NBEA: variants seen among roughly 807,000 people sequenced by gnomAD.
The protein encoded by NBEA is lysosomal-trafficking regulator 2.
NBEA carries 44 observed loss-of-function variants against 343.4 expected under a neutral mutation model. That is an observed-to-expected ratio of 0.13 (90% confidence interval 0.10 to 0.16). NBEA has a LOEUF of 0.16. Among genes scored for constraint, NBEA ranks in the 10% least tolerant of loss-of-function variants. The probability of loss-of-function intolerance (pLI) is 1.00; values close to 1 mark genes in which losing one functional copy is unlikely to be tolerated. For missense variants in NBEA, 2,555 were observed against 3,631.3 expected, an observed-to-expected ratio of 0.70 and a Z score of 7.62; for synonymous variants, 1,175 against 1,238.7, an observed-to-expected ratio of 0.95 and a Z score of 1.08.
intron 39 of NBEA, among the ~76,000 whole-genome samples, chr13:35,436,300 G>T (rs1463651670): frequency 6.6e-6 from 1 of 152,164 alleles, no homozygotes; most frequent in Non-Finnish European, 1.5e-5. Context: ...TAGATTAAGA[G>T]TATATTGATA....
At chr13:35,231,083 A>T (rs993238489) in intron 33 of NBEA, among the ~76,000 whole-genome samples, 14 of 152,066 alleles carry the variant, frequency 9.2e-5, no homozygotes, top group Non-Finnish European at 1.9e-4. Context: ...CTTACGGGAA[A>T]ATGTTCCTCC....
chr13:35,568,560 G>T (rs1399499733), intron 45 of NBEA, among the ~76,000 whole-genome samples: 1 of 152,006 alleles, frequency 6.6e-6, no homozygotes, highest in Non-Finnish European at 1.5e-5. Flanking sequence ...AATAAGATCA[G>T]TCCCCCAAAA....
chr13:35,387,797 C>T (rs1338270047), intron 38 of NBEA, among the ~76,000 whole-genome samples: 1 of 152,116 alleles, frequency 6.6e-6, no homozygotes, highest in Non-Finnish European at 1.5e-5. Context: ...TTTCCCTTGG[C>T]TAACAGTGAG....
At chr13:35,647,724 C>A (rs909475280) in intron 51 of NBEA, among the ~76,000 whole-genome samples, 4 of 151,950 alleles carry the variant, frequency 2.6e-5, no homozygotes, top group African/African-American at 9.7e-5. Flanking sequence ...GCGCCACCAC[C>A]CCTGGCTAAT....
intron 45 of NBEA, among the ~76,000 whole-genome samples, chr13:35,570,737 G>A (rs1407639055): frequency 6.6e-6 from 1 of 152,114 alleles, no homozygotes; most frequent in African/African-American, 2.4e-5. Context: ...TCTTACAAAT[G>A]AGCTAGAAAC....
intron 33 of NBEA, among the ~76,000 whole-genome samples, chr13:35,226,530 T>G (rs1006218088): frequency 1.3e-5 from 2 of 152,152 alleles, no homozygotes; most frequent in African/African-American, 4.8e-5. Flanking sequence ...GTCAAATATT[T>G]AAGATACAAT....
intron 49 of NBEA, among the ~76,000 whole-genome samples, chr13:35,631,638 T>TAAAAAAAAAAAAAAAAAAAAAAAAA (rs59333937): frequency 1.6e-5 from 2 of 126,488 alleles, no homozygotes; most frequent in African/African-American, 6.1e-5. Flanking sequence ...GTCTCCTTTG[T>TAAAAAAAAAAAAAAAAAAAAAAAAA]AAAAAAAAAA....
At chr13:35,092,986 T>C (rs1229141567) in intron 10 of NBEA, among the ~76,000 whole-genome samples, 6 of 152,024 alleles carry the variant, frequency 3.9e-5, no homozygotes, top group Admixed American at 3.9e-4. Flanking sequence ...GGTACATCCA[T>C]TAATACTCAT....
At chr13:35,533,307 A>T (rs2078356698) in intron 41 of NBEA, among the ~76,000 whole-genome samples, 1 of 152,162 alleles carries the variant, frequency 6.6e-6, no homozygotes. Flanking sequence ...GAGCTTTTTT[A>T]AAAGGAAAAT....
chr13:34,983,041 C>T (rs2060412511), intron 1 of NBEA, among the ~76,000 whole-genome samples: 1 of 152,082 alleles, frequency 6.6e-6, no homozygotes, highest in Non-Finnish European at 1.5e-5. Flanking sequence ...TTATTTTATA[C>T]TTTAAGTTCT....
At chr13:34,945,151 A>G (rs1011599641) in intron 1 of NBEA, among the ~76,000 whole-genome samples, 3 of 152,184 alleles carry the variant, frequency 2.0e-5, no homozygotes, top group Non-Finnish European at 4.4e-5. Context: ...AATCTACCTA[A>G]GATTTTGTAA....
Position 35,104,757 on chromosome 13 carries a change from TC to T in NBEA, c.1681-4531del, listed in dbSNP as rs1377928583. Among the ~76,000 whole-genome samples the T allele has an allele frequency of 2.0e-5, 3 of 151,948 alleles. No individual in the cohort carries two copies. In the South Asian group the frequency reaches 6.2e-4, roughly 31 times the overall value. ...TTTTTATTAATAACAATTTTACTGTTCCACGAAAAAATTTTTAGGTGTTTTT... is the reference window on the plus strand; with the variant it reads ...TTTTTATTAATAACAATTTTACTGTTCACGAAAAAATTTTTAGGTGTTTTT... On this transcript the variant is annotated intron_variant, in intron 11 of 58. Transcript: ENST00000379939.
intron 39 of NBEA, among the ~76,000 whole-genome samples, chr13:35,445,782 T>TTATATATATATATATATATATATATA (rs71081255): frequency 8.8e-6 from 1 of 113,268 alleles, no homozygotes; most frequent in African/African-American, 3.4e-5. Context: ...ATATAAATGT[T>TTATATATATATATATATATATATATA]TATATATATA....
intron 36 of NBEA, among the ~76,000 whole-genome samples, chr13:35,322,220 TG>T (rs2038203647): frequency 1.3e-5 from 2 of 152,094 alleles, no homozygotes; most frequent in Non-Finnish European, 2.9e-5. Flanking sequence ...CCCAGGGCCC[TG>T]GTGATGTAGG....
intron 41 of NBEA, among the ~76,000 whole-genome samples, chr13:35,490,600 G>C (rs1343265864): frequency 2.0e-5 from 3 of 151,862 alleles, no homozygotes; most frequent in African/African-American, 7.2e-5. Context: ...ACATGTCTTA[G>C]GAACTTGATG....
chr13:35,524,028 T>C (rs1478681581), intron 41 of NBEA, among the ~76,000 whole-genome samples: 1 of 152,228 alleles, frequency 6.6e-6, no homozygotes, highest in Non-Finnish European at 1.5e-5. Context: ...ATATTCACCA[T>C]TTCCTAAATG....
intron 41 of NBEA, among the ~76,000 whole-genome samples, chr13:35,521,064 G>T (rs940503467): frequency 6.6e-6 from 1 of 151,990 alleles, no homozygotes; most frequent in Non-Finnish European, 1.5e-5. Context: ...TCATTGCTGG[G>T]TGTTGGAGGC....
At chr13:35,256,963 T>C (rs1699588108) in intron 34 of NBEA, among the ~76,000 whole-genome samples, 1 of 152,120 alleles carries the variant, frequency 6.6e-6, no homozygotes, top group South Asian at 2.1e-4. Flanking sequence ...GCCAACTCAA[T>C]AGTGGAGGGA....
chr13:35,608,157 GCAT>G (rs1342666719), intron 48 of NBEA, among the ~76,000 whole-genome samples: 1 of 151,748 alleles, frequency 6.6e-6, no homozygotes, highest in Non-Finnish European at 1.5e-5. Flanking sequence ...ATGCTTAAAA[GCAT>G]CATCTAGATA....
Sources: gnomAD v4.1 joint callset for allele counts (sites outside exome capture counted in the v4.1 genomes callset) on GRCh38, gnomAD v4.1.1 for gene constraint, MANE v1.5 for transcripts, NCBI Gene and HGNC (gene_info 2026-07-23, HGNC 2026-07-21) for gene names.